The following MDFIC variants were observed in gnomAD, a reference collection of about 807,000 sequenced individuals.
MDFIC encodes the protein myoD family inhibitor domain-containing protein.
A neutral mutation model predicts 23.2 loss-of-function variants in MDFIC; 17 were observed. That is an observed-to-expected ratio of 0.73 (90% CI 0.50 to 1.10). MDFIC has a LOEUF of 1.10. Ranked by LOEUF, MDFIC falls within the 50% of genes least tolerant of loss-of-function variation. The probability of loss-of-function intolerance (pLI) is 0.00; values close to 1 mark genes in which losing one functional copy is unlikely to be tolerated. For synonymous variants in MDFIC, 120 were observed against 115.2 expected, an observed-to-expected ratio of 1.04 and a Z score of -0.27; for missense variants, 356 against 316.6, an observed-to-expected ratio of 1.12 and a Z score of -0.95.
chr7:114,952,178 A>G (rs7800698), intron 3 of MDFIC, among the ~76,000 whole-genome samples: 19,670 of 152,290 alleles, frequency 0.13, 1,366 homozygotes, highest in Non-Finnish European at 0.15. Flanking sequence ...TGGGCAAATC[A>G]GTTGCTATTC....
chr7:115,001,442 T>C (rs762306115), intron 4 of MDFIC, among the ~76,000 whole-genome samples: 3 of 152,210 alleles, frequency 2.0e-5, no homozygotes, highest in Non-Finnish European at 4.4e-5. Context: ...TTTTTCCTAA[T>C]AATTATGCTC....
intron 4 of MDFIC, among the ~76,000 whole-genome samples, chr7:114,989,119 A>G (rs913299025): frequency 6.6e-6 from 1 of 152,170 alleles, no homozygotes; most frequent in Non-Finnish European, 1.5e-5. Context: ...AAAGAGGACG[A>G]TTATCTGGCT....
At chr7:115,011,961 T>C (rs1022370609) in intron 4 of MDFIC, among the ~76,000 whole-genome samples, 1 of 152,260 alleles carries the variant, frequency 6.6e-6, no homozygotes, top group African/African-American at 2.4e-5. Context: ...TCAAATCTTA[T>C]TAACACCTCT....
At chr7:114,967,012 A>G (rs989958916) in intron 3 of MDFIC, among the ~76,000 whole-genome samples, 13 of 152,314 alleles carry the variant, frequency 8.5e-5, no homozygotes, top group African/African-American at 3.1e-4. Flanking sequence ...CAAATATGTA[A>G]AAAGTTCAAA....
chr7:114,939,097 C>CATATGGG (rs575733859), intron 2 of MDFIC, among the ~76,000 whole-genome samples: 4,992 of 152,168 alleles, frequency 0.033, 268 homozygotes, highest in African/African-American at 0.11. Flanking sequence ...ATGTAACTGC[C>CATATGGG]CACCATTTAT....
At chr7:114,987,271 GT>G (rs762880075) in intron 4 of MDFIC, among the ~76,000 whole-genome samples, 1 of 152,062 alleles carries the variant, frequency 6.6e-6, no homozygotes, top group Non-Finnish European at 1.5e-5. Flanking sequence ...TTACAATACT[GT>G]TTCAACAGTA....
chr7:115,014,561 T>G, intron 4 of MDFIC: 1 of 1,267,038 alleles, frequency 7.9e-7, no homozygotes. Context: ...TTGTGTCTTA[T>G]CGCTATTGTA....
At position 115,019,864 on chromosome 7, in the gene MDFIC, AT is replaced by A. The variant is rs1791866477; in HGVS notation, c.*3930del. Reference sequence around the variant, plus strand: ...ATCAAGCATTGGGTATTAAAAGAGAATCCTTTCAACCCTTCATCTTCGTATG... The same window carrying A: ...ATCAAGCATTGGGTATTAAAAGAGAACCTTTCAACCCTTCATCTTCGTATG... On this transcript the variant is annotated 3_prime_UTR_variant, in exon 5 of 5. Transcript: ENST00000393486. Among the ~76,000 whole-genome samples, 1 of 152,166 alleles carries A rather than the reference AT, an allele frequency of 6.6e-6. No individual in the cohort carries two copies. The highest frequency in any genetic ancestry group is 2.4e-5 in the African/African-American group (1 of 41,452).
chr7:114,933,087 TAG>T (rs917425045), intron 2 of MDFIC, among the ~76,000 whole-genome samples: 3 of 152,194 alleles, frequency 2.0e-5, no homozygotes, highest in Admixed American at 6.5e-5. Flanking sequence ...TTTGCTTAAC[TAG>T]AGAGCTTGAG....
rs769257983 is a variant in MDFIC, at chr7:114,979,517, C to T, written c.229C>T (p.Arg77Cys). 3.1e-6 allele frequency: 5 copies of T among 1,610,820 alleles called. No homozygotes were observed. Among genetic ancestry groups the T allele is most frequent in the Middle Eastern group, 1.7e-4 (1 of 6,044 alleles). ...TGTTTTTAATTTAGCCCAACCTCAG[C>T]GCTTGCCTCAGCTTCAGACTTCAGC... ...DGELIRTQPQ[R>C]LPQLQTSAQV... Residue 77 changes from arginine to cysteine, a missense_variant, in exon 4 of 5, where the codon CGC becomes TGC. By Grantham distance (180) the Arg-to-Cys change is radical (BLOSUM62 -3). Coordinates refer to ENST00000393486, the MANE Select transcript of MDFIC (RefSeq NM_001166345.3).
intron 4 of MDFIC, among the ~76,000 whole-genome samples, chr7:115,006,566 G>A (rs867597794): frequency 6.6e-6 from 1 of 152,044 alleles, no homozygotes. Context: ...TATAAGCCAA[G>A]GACAAATGAA....
intron 2 of MDFIC, chr7:114,923,510 T>C (rs1386774484): frequency 1.3e-6 from 2 of 1,537,658 alleles, no homozygotes; most frequent in East Asian, 4.9e-5. Context: ...AGCGTGCACT[T>C]ACTCCATTTC....
At chr7:114,932,611 G>T (rs934830330) in intron 2 of MDFIC, among the ~76,000 whole-genome samples, 2 of 152,178 alleles carry the variant, frequency 1.3e-5, no homozygotes, top group Admixed American at 6.5e-5. Flanking sequence ...GGATCTACAA[G>T]TTATCTCCCT....
chr7:115,006,734 TAGCC>T (rs1791577274), intron 4 of MDFIC, among the ~76,000 whole-genome samples: 1 of 152,228 alleles, frequency 6.6e-6, no homozygotes, highest in African/African-American at 2.4e-5. Flanking sequence ...ATTTTTGTCC[TAGCC>T]ATAAATGGTA....
intron 4 of MDFIC, among the ~76,000 whole-genome samples, chr7:114,980,448 GCC>G (rs761273232): frequency 5.3e-5 from 8 of 152,132 alleles, no homozygotes; most frequent in Non-Finnish European, 1.2e-4. Context: ...ATCTCATCCT[GCC>G]CTTGGCTGGG....
chr7:114,922,762 G>T, intron 1 of MDFIC, 126 bp downstream of exon 1: 2 of 1,252,176 alleles, frequency 1.6e-6, no homozygotes, highest in Non-Finnish European at 2.1e-6. Flanking sequence ...GGACCCCGCC[G>T]CTGTCAACTT....
intron 3 of MDFIC, among the ~76,000 whole-genome samples, chr7:114,975,957 A>G (rs1793300493): frequency 1.3e-5 from 2 of 152,134 alleles, no homozygotes; most frequent in Non-Finnish European, 2.9e-5. Flanking sequence ...TGAAACAAAA[A>G]TAATGTACTA....
chr7:114,923,991 T>C (rs1380486770), intron 2 of MDFIC, among the ~76,000 whole-genome samples: 1 of 152,224 alleles, frequency 6.6e-6, no homozygotes, highest in Non-Finnish European at 1.5e-5. Flanking sequence ...TGTACTAATG[T>C]AGTGAATCTT....
intron 3 of MDFIC, among the ~76,000 whole-genome samples, chr7:114,957,386 T>A (rs1335491839): frequency 6.6e-6 from 1 of 152,174 alleles, no homozygotes; most frequent in Non-Finnish European, 1.5e-5. Flanking sequence ...AGTCTTCCAA[T>A]CAAGTGTTTG....
Sources: gnomAD v4.1 joint callset for allele counts (sites outside exome capture counted in the v4.1 genomes callset) on GRCh38, gnomAD v4.1.1 for gene constraint, MANE v1.5 for transcripts, NCBI Gene and HGNC (gene_info 2026-07-23, HGNC 2026-07-21) for gene names.